The following STYXL2 variants were observed in gnomAD, a reference collection of about 807,000 sequenced individuals.
STYXL2 encodes serine/threonine/tyrosine-interacting-like protein 2.
Under a neutral mutation model 52.4 loss-of-function variants are expected in STYXL2, and 44 were observed. That is an observed-to-expected ratio of 0.84 (90% CI 0.66 to 1.08). The LOEUF is 1.08. STYXL2 is among the 50% of genes least tolerant of loss of function. The pLI is 0.00. For synonymous variants in STYXL2, 604 were observed against 586.9 expected, an observed-to-expected ratio of 1.03 and a Z score of -0.42; for missense variants, 1,604 against 1,471.7, an observed-to-expected ratio of 1.09 and a Z score of -1.47.
In STYXL2 at chr1:167,109,744, C is replaced by T. The variant is rs925674882; in HGVS notation, c.111-3966C>T. Among the ~76,000 whole-genome samples, 4 of 152,158 alleles carry T rather than the reference C, an allele frequency of 2.6e-5. No homozygotes were observed. In the East Asian group the frequency reaches 7.7e-4, roughly 29 times the overall value. On this transcript the variant is annotated intron_variant, in intron 2 of 5. Transcript: ENST00000361200. ...GCTGATGCATTCCTGAAGGTGCCAC[C>T]TCCTGGCTGGAGGTCAACCAGCTCA...
intron 2 of STYXL2, among the ~76,000 whole-genome samples, chr1:167,112,887 A>G (rs895077144): frequency 6.6e-6 from 1 of 152,176 alleles, no homozygotes; most frequent in African/African-American, 2.4e-5. Context: ...AGCAGAAAAA[A>G]GAAAATGACC....
At position 167,128,699 on chromosome 1, in the gene STYXL2, A is replaced by G. The variant is rs1668030152; in HGVS notation, c.*91A>G. Reference sequence around the variant, plus strand: ...TGCCACCACTCATCGCAGGATGAGGATACAGAGAGGATCTTCCAGAGGGGC... The same window carrying G: ...TGCCACCACTCATCGCAGGATGAGGGTACAGAGAGGATCTTCCAGAGGGGC... On this transcript the variant is annotated 3_prime_UTR_variant, in exon 6 of 6. Transcript: ENST00000361200. 6.8e-7 allele frequency: 1 copy of G among 1,471,732 alleles called. No individual in the cohort carries two copies. Among genetic ancestry groups the G allele is most frequent in the Non-Finnish European group, 8.9e-7 (1 of 1,120,576 alleles). The allele number at this position is 1,471,732 out of a possible 1,614,324, so 91.2% of individuals were successfully genotyped here. A position where few individuals can be genotyped will look rare whatever the true frequency, so the allele number is the denominator to read the frequency against.
At chr1:167,120,773 T>C (rs187351732) in intron 5 of STYXL2, among the ~76,000 whole-genome samples, 1 of 137,966 alleles carries the variant, frequency 7.2e-6, no homozygotes, top group Admixed American at 7.3e-5. Context: ...TGAACCACCA[T>C]GCCTGGCCAA....
In STYXL2 at chr1:167,126,361, G is replaced by A; in HGVS notation, c.1230G>A (p.Arg410=). ...GGTACCAAGCAGAAGGGTACCGGAG[G>A]TGGGGAAGGGAGGAGGAGAAGGAGG... is the stretch of plus-strand genomic sequence containing the variant. ...NERYQAEGYR[R]WGREEEKEEE... Residue 410 remains arginine, a synonymous_variant, in exon 6 of 6, where the codon AGG becomes AGA. Coordinates refer to ENST00000361200, the MANE Select transcript of STYXL2 (RefSeq NM_001080426.3). 1 of 1,544,260 alleles carries A rather than the reference G, an allele frequency of 6.5e-7. No homozygotes were observed.
Position 167,126,128 on chromosome 1 carries a change from ACCCAGGC to A in STYXL2, c.999_1005del (p.Gln334ProfsTer7). 6.6e-7 allele frequency: 1 copy of A among 1,509,640 alleles called. No individual in the cohort carries two copies. The highest frequency in any genetic ancestry group is 1.4e-5 in the South Asian group (1 of 73,926). 93.5% of individuals were successfully genotyped at this position (1,509,640 alleles called of 1,614,324 possible). On this transcript the variant is annotated frameshift_variant, in exon 6 of 6. Coordinates refer to ENST00000361200, the MANE Select transcript of STYXL2 (RefSeq NM_001080426.3). LOFTEE classifies it low-confidence loss of function (END_TRUNC). ...GAGTGGCTCCTCCCTGGGGAAGGCC[ACCCAGGC>A]CTCCAAGCCCCTCACCCTCATAGAC...
At chr1:167,119,064 G>C (rs1158286086) in intron 4 of STYXL2, among the ~76,000 whole-genome samples, 185 bp from the exon 5 acceptor site, 2 of 152,064 alleles carry the variant, frequency 1.3e-5, no homozygotes, top group African/African-American at 4.8e-5. Context: ...TCTCCCTTTT[G>C]CTGAGGCCAA....
In STYXL2 at chr1:167,127,022, G is replaced by A; in HGVS notation, c.1891G>A (p.Glu631Lys). ...GAGACAACGGAGGCTGGAGCTGCTG[G>A]AGAGAAGCCGGCAGACGCTGGAGGA... ...KKRQRRLELLERSRQTLEESQ... is the reference protein window; with the variant it reads ...KKRQRRLELLKRSRQTLEESQ... The change falls in exon 6 of 6, where the codon GAG becomes AAG. Residue 631 changes from glutamate (E) to lysine (K), a missense_variant. Transcript: ENST00000361200. The A allele has an allele frequency of 6.2e-7, 1 of 1,606,986 alleles. No individual in the cohort carries two copies. The highest frequency in any genetic ancestry group is 8.5e-7 in the Non-Finnish European group (1 of 1,175,794).
Position 167,128,507 on chromosome 1 carries a change from A to C in STYXL2, c.3376A>C (p.Arg1126=). Reference sequence around the variant, plus strand: ...GTCCCAGTATCGGAGAAGCACTGACAGGGAGGAAGAGGAAGAAATGGACGA... The same window carrying C: ...GTCCCAGTATCGGAGAAGCACTGACCGGGAGGAAGAGGAAGAAATGGACGA... ...RRSQYRRSTD[R]EEEEEMDDEA... Residue 1126 remains arginine (R), a synonymous_variant, in exon 6 of 6, where the codon AGG becomes CGG. Coordinates refer to ENST00000361200, the MANE Select transcript of STYXL2 (RefSeq NM_001080426.3). The C allele has an allele frequency of 6.2e-7, 1 of 1,613,910 alleles. No individual in the cohort carries two copies.
intron 2 of STYXL2, among the ~76,000 whole-genome samples, chr1:167,105,771 C>T (rs1667495689): frequency 6.6e-6 from 1 of 152,174 alleles, no homozygotes; most frequent in Non-Finnish European, 1.5e-5. Context: ...GCGGCTGACT[C>T]GTAAAAGCAT....
At position 167,127,867 on chromosome 1, in the gene STYXL2, C is replaced by T. The variant is rs1571351074; in HGVS notation, c.2736C>T (p.Cys912=). The change falls in exon 6 of 6, where the codon TGC becomes TGT. Residue 912 remains cysteine, a synonymous_variant. Coordinates refer to ENST00000361200, the MANE Select transcript of STYXL2 (RefSeq NM_001080426.3). The part of the protein sequence containing the change: ...SNSQKPETDT[C]SSLAVCDHYA... ...CCCAGAAACCTGAAACAGACACATG[C>T]TCCTCCCTGGCTGTCTGTGATCACT... is the stretch of plus-strand genomic sequence containing the variant. 1 of 1,614,028 alleles carries T rather than the reference C, an allele frequency of 6.2e-7. No homozygotes were observed. The highest frequency in any genetic ancestry group is 2.2e-5 in the East Asian group (1 of 44,868).
intron 5 of STYXL2, among the ~76,000 whole-genome samples, chr1:167,124,109 G>C (rs1256783718): frequency 6.6e-6 from 1 of 151,062 alleles, no homozygotes; most frequent in Non-Finnish European, 1.5e-5. Context: ...ACGAGGTTTC[G>C]CTATGTTGCC....
chr1:167,115,081 A>G (rs1667698750), intron 3 of STYXL2, among the ~76,000 whole-genome samples: 2 of 152,210 alleles, frequency 1.3e-5, no homozygotes, highest in Admixed American at 6.5e-5. Flanking sequence ...CTCTCTTTGA[A>G]AGCTTCACTT....
At position 167,127,556 on chromosome 1, in the gene STYXL2, G is replaced by C. The variant is rs769931637; in HGVS notation, c.2425G>C (p.Ala809Pro). Residue 809 changes from alanine to proline, a missense_variant, in exon 6 of 6, where the codon GCG (alanine) becomes CCG (proline). Transcript: ENST00000361200. ...LSCNTTLSSP[A>P]ESCRSKVRGT... ...CTGCAACACCACACTGAGCTCACCC[G>C]CGGAAAGTTGCAGAAGCAAAGTGAG... 9.3e-6 allele frequency: 15 copies of C among 1,613,964 alleles called. No individual in the cohort carries two copies. The highest frequency in any genetic ancestry group is 1.3e-5 in the Non-Finnish European group (15 of 1,180,000).
chr1:167,128,735 T>C lies in STYXL2; in HGVS notation c.*127T>C. ...ATCTTCCAGAGGGGCAGAGCCAAAA[T>C]GAGAGGTACCAAGCATAAGGGCAGC... On this transcript the variant is annotated 3_prime_UTR_variant, in exon 6 of 6. Transcript: ENST00000361200. The C allele has an allele frequency of 7.1e-7, 1 of 1,417,602 alleles. No individual in the cohort carries two copies. The highest frequency in any genetic ancestry group is 9.2e-7 in the Non-Finnish European group (1 of 1,084,264). 87.8% of individuals were successfully genotyped at this position (1,417,602 alleles called of 1,614,324 possible).
rs772328078 is a variant in STYXL2 at position 167,128,362 on chromosome 1, A to G, written c.3231A>G (p.Ser1077=). Residue 1077 remains serine, a synonymous_variant, in exon 6 of 6, where the codon TCA becomes TCG. Transcript: ENST00000361200. Reference sequence around the variant, plus strand: ...AAGATGTGGAAGAGTCATCCAAGTCAGACTTCTCTGAATTTGGAGCCAAGA... The same window carrying G: ...AAGATGTGGAAGAGTCATCCAAGTCGGACTTCTCTGAATTTGGAGCCAAGA... ...DWEDVEESSK[S]DFSEFGAKRK... is the part of the protein sequence containing the mutation. The G allele has an allele frequency of 1.2e-6, 2 of 1,614,202 alleles. No individual in the cohort carries two copies. The highest frequency in any genetic ancestry group is 1.1e-5 in the South Asian group (1 of 91,082).
intron 2 of STYXL2, among the ~76,000 whole-genome samples, chr1:167,104,543 T>C (rs1667472371): frequency 6.6e-6 from 1 of 152,194 alleles, no homozygotes; most frequent in Non-Finnish European, 1.5e-5. Flanking sequence ...GTTTTCGTTA[T>C]GTTTCTTTGG....
rs779891459 is a variant in STYXL2, at chr1:167,127,904, A to G, written c.2773A>G (p.Ser925Gly). ...LAVCDHYASG[S>G]RVGKEMDSSI... ...TGTCTGTGATCACTATGCAAGTGGC[A>G]GCAGAGTTGGCAAAGAGATGGATAG... is the stretch of plus-strand genomic sequence containing the variant. Residue 925 changes from serine to glycine, a missense_variant, in exon 6 of 6, where the codon AGC becomes GGC. Transcript: ENST00000361200. 5 of 1,614,062 alleles carry G rather than the reference A, an allele frequency of 3.1e-6. No individual in the cohort carries two copies. The Admixed American group carries it at 6.7e-5, about 22-fold the overall frequency.
At chr1:167,122,093 A>T (rs1379163455) in intron 5 of STYXL2, among the ~76,000 whole-genome samples, 3 of 152,110 alleles carry the variant, frequency 2.0e-5, no homozygotes, top group Non-Finnish European at 4.4e-5. Context: ...TACATTGTAC[A>T]CACTGGGAAG....
At position 167,128,591 on chromosome 1, in the gene STYXL2, A is replaced by G. The variant is rs1243075768; in HGVS notation, c.3460A>G (p.Lys1154Glu). Residue 1154 changes from lysine to glutamate, a missense_variant, in exon 6 of 6, where the codon AAA becomes GAA. Transcript: ENST00000361200. ...RQEETRTKLQKRRED is the reference protein window; with the variant it reads ...RQEETRTKLQERRED ...AGAAGAAACCAGGACCAAGCTGCAG[A>G]AAAGGAGGGAGGACTGAGCTGGGGA... 1.2e-6 allele frequency: 2 copies of G among 1,612,268 alleles called. No individual in the cohort carries two copies. Among genetic ancestry groups the G allele is most frequent in the Admixed American group, 3.3e-5 (2 of 59,914 alleles).
Sources: gnomAD v4.1 joint callset for allele counts (sites outside exome capture counted in the v4.1 genomes callset) on GRCh38, gnomAD v4.1.1 for gene constraint, MANE v1.5 for transcripts, NCBI Gene and HGNC (gene_info 2026-07-23, HGNC 2026-07-21) for gene names.